NIPBL: variants seen among roughly 807,000 people sequenced by gnomAD.
NIPBL encodes the protein nipped-B-like protein.
Under a neutral mutation model 321.8 loss-of-function variants are expected in NIPBL, and 19 were observed. That is an observed-to-expected ratio of 0.06 (90% CI 0.04 to 0.09). The LOEUF (loss-of-function observed/expected upper bound fraction) is 0.09. Ranked by LOEUF, NIPBL falls within the 10% of genes least tolerant of loss-of-function variation. The pLI, the probability that NIPBL is intolerant of heterozygous loss-of-function variation, is 1.00. For missense variants in NIPBL, 2,210 were observed against 3,327.0 expected (o/e 0.66, Z 8.26); for synonymous variants, 1,106 against 1,114.1 (o/e 0.99, Z 0.14).
intron 8 of NIPBL, among the ~76,000 whole-genome samples, chr5:36,974,815 G>T (rs780170771): frequency 6.6e-6 from 1 of 152,000 alleles, no homozygotes; most frequent in Non-Finnish European, 1.5e-5. Context: ...TTTAAGTTCT[G>T]TCTGTAAAAA....
intron 45 of NIPBL, among the ~76,000 whole-genome samples, chr5:37,063,582 G>A (rs1755036039): frequency 1.3e-5 from 2 of 152,160 alleles, no homozygotes; most frequent in Admixed American, 1.3e-4. Flanking sequence ...GGCAGAGTTG[G>A]GTAGTTGTGA....
rs778219424 is a variant in NIPBL, at chr5:37,059,092, A to G, written c.7612A>G (p.Asn2538Asp). The G allele has an allele frequency of 1.9e-6, 3 of 1,614,194 alleles. No homozygotes were observed. Among genetic ancestry groups the G allele is most frequent in the African/African-American group, 1.3e-5 (1 of 75,064 alleles). Residue 2538 changes from asparagine to aspartate, a missense_variant, in exon 44 of 47, where the codon AAT (asparagine) becomes GAT (aspartate). Physicochemically the swap from Asn to Asp is conservative, Grantham distance 23. Around this residue, in one of 14 missense-constraint regions of NIPBL, gnomAD observed 79 missense variants for 90.8 expected, o/e 0.87. Coordinates refer to ENST00000282516, the MANE Select transcript of NIPBL (RefSeq NM_133433.4). ...TTCAGCTCCTTTAATCGAATTTGCA[A>G]ATGTGTCCCAGGGTATTTTATTACT... is the stretch of plus-strand genomic sequence containing the variant. ...ENSAPLIEFA[N>D]VSQGILLLLM...
intron 1 of NIPBL, among the ~76,000 whole-genome samples, chr5:36,929,994 A>G (rs1033451457): frequency 1.6e-4 from 24 of 152,144 alleles, no homozygotes; most frequent in Middle Eastern, 3.4e-3. Flanking sequence ...CTTCATAGTA[A>G]GTTTTGAAAT....
intron 40 of NIPBL, 134 bp downstream of exon 40, chr5:37,049,435 C>A: frequency 1.0e-6 from 1 of 967,352 alleles, no homozygotes; most frequent in Non-Finnish European, 1.6e-6. Flanking sequence ...AAGAATCTGG[C>A]AGTTTTAGAT....
intron 16 of NIPBL, among the ~76,000 whole-genome samples, chr5:37,005,882 T>C (rs905705856): frequency 6.6e-6 from 1 of 152,146 alleles, no homozygotes; most frequent in Non-Finnish European, 1.5e-5. Flanking sequence ...TTTCAGAAAC[T>C]GTGTTGTCGA....
At chr5:36,958,020 C>G (rs1580329832) in intron 3 of NIPBL, 84 bp from the exon 4 acceptor site, 1 of 1,336,370 alleles carries the variant, frequency 7.5e-7, no homozygotes, top group South Asian at 1.2e-5. Flanking sequence ...GTTGGCCATA[C>G]CAGTGTGATT....
chr5:36,947,510 A>G (rs1047000596), intron 1 of NIPBL, among the ~76,000 whole-genome samples: 1 of 152,040 alleles, frequency 6.6e-6, no homozygotes, highest in African/African-American at 2.4e-5. Context: ...TGCAGGCTCC[A>G]ATTGACTTTT....
chr5:36,953,224 T>C (rs1740599896), intron 1 of NIPBL, among the ~76,000 whole-genome samples: 1 of 152,202 alleles, frequency 6.6e-6, no homozygotes, highest in South Asian at 2.1e-4. Context: ...AACGTGCTTA[T>C]AATGTGGAAA....
In NIPBL at chr5:37,044,633, T is replaced by C. The variant is rs764620664; in HGVS notation, c.6250-3T>C. On this transcript the variant is annotated splice_polypyrimidine_tract_variant and splice_region_variant and intron_variant, in intron 35 of 46. Transcript: ENST00000282516. ...TTATCTAAACATTTTCTATATCTTT[T>C]AGGTAGTGCAACATTGTGTGAGCTG... 6.2e-7 allele frequency: 1 copy of C among 1,612,286 alleles called. No individual in the cohort carries two copies. The highest frequency in any genetic ancestry group is 1.1e-5 in the South Asian group (1 of 90,980).
chr5:36,885,784 C>A, intron 1 of NIPBL: 1 of 627,658 alleles, frequency 1.6e-6, no homozygotes, highest in South Asian at 1.5e-5. Context: ...ACACCAGTGT[C>A]ACTTGGCTGT....
At chr5:36,992,176 A>AT (rs1745602374) in intron 10 of NIPBL, among the ~76,000 whole-genome samples, 1 of 152,196 alleles carries the variant, frequency 6.6e-6, no homozygotes, top group Non-Finnish European at 1.5e-5. Flanking sequence ...AAATGACATT[A>AT]TTCATCAAGC....
At chr5:36,987,010 T>G (rs1295389650) in intron 10 of NIPBL, among the ~76,000 whole-genome samples, 1 of 152,190 alleles carries the variant, frequency 6.6e-6, no homozygotes, top group African/African-American at 2.4e-5. Context: ...GAAGATATAC[T>G]TCTGTATCCC....
chr5:36,980,209 T>G (rs570452355), intron 9 of NIPBL, among the ~76,000 whole-genome samples: 2 of 151,866 alleles, frequency 1.3e-5, no homozygotes, highest in African/African-American at 4.8e-5. Context: ...CTTGTATATT[T>G]TATTTTCAAT....
intron 1 of NIPBL, among the ~76,000 whole-genome samples, chr5:36,914,722 GACAA>G (rs921474117): frequency 3.9e-5 from 6 of 152,150 alleles, no homozygotes; most frequent in Admixed American, 6.5e-5. Flanking sequence ...CACTTTCAGT[GACAA>G]ACAGTGGCTT....
At chr5:37,031,478 C>G (rs1751010528) in intron 32 of NIPBL, among the ~76,000 whole-genome samples, 3 of 152,192 alleles carry the variant, frequency 2.0e-5, no homozygotes, top group African/African-American at 4.8e-5. Flanking sequence ...TTATGACAGT[C>G]TTCTTCAAAA....
chr5:37,056,129 A>G, intron 42 of NIPBL, among the ~76,000 whole-genome samples: 1 of 152,308 alleles, frequency 6.6e-6, no homozygotes, highest in Non-Finnish European at 1.5e-5. Flanking sequence ...TTGAAAATAT[A>G]TGAATTATAG....
chr5:37,055,993 T>A (rs886593280), intron 42 of NIPBL, among the ~76,000 whole-genome samples: 1 of 151,848 alleles, frequency 6.6e-6, no homozygotes, highest in Non-Finnish European at 1.5e-5. Flanking sequence ...TAAAAAAAAA[T>A]AGTGGGGAAG....
At chr5:36,929,542 A>G (rs1749621265) in intron 1 of NIPBL, among the ~76,000 whole-genome samples, 1 of 152,098 alleles carries the variant, frequency 6.6e-6, no homozygotes, top group South Asian at 2.1e-4. Context: ...CATTTGAACT[A>G]TGAAAATTGT....
chr5:36,959,368 G>T (rs1393781952), intron 4 of NIPBL, among the ~76,000 whole-genome samples: 2 of 152,162 alleles, frequency 1.3e-5, no homozygotes, highest in East Asian at 3.8e-4. Flanking sequence ...TATTTTGAAA[G>T]CAATTGCATA....
Sources: gnomAD v4.1 joint callset for allele counts (sites outside exome capture counted in the v4.1 genomes callset) on GRCh38, gnomAD v4.1.1 for gene constraint, gnomAD v4.1.1 regional missense constraint, MANE v1.5 for transcripts, NCBI Gene and HGNC (gene_info 2026-07-23, HGNC 2026-07-21) for gene names.